Variants in DIP2B observed in about 807,000 individuals in gnomAD.
The protein encoded by DIP2B is DIP2 acetate--CoA ligase B (putative), also known as disco-interacting protein 2 homolog B.
A neutral mutation model predicts 198.0 loss-of-function variants in DIP2B; 76 were observed. The observed-to-expected ratio is 0.38, with a 90% CI of 0.32 to 0.46. The LOEUF (loss-of-function observed/expected upper bound fraction) is 0.46, where lower values mean the gene tolerates loss of function less well. DIP2B is among the 20% of genes least tolerant of loss of function. The pLI is 0.99. For synonymous variants in DIP2B, 701 were observed against 739.1 expected, an observed-to-expected ratio of 0.95 and a Z score of 0.84; for missense variants, 1,559 against 1,978.4, an observed-to-expected ratio of 0.79 and a Z score of 4.02.
intron 35 of DIP2B, among the ~76,000 whole-genome samples, 189 bp from the exon 36 acceptor site, chr12:50,739,220 C>T (rs761963032): frequency 2.6e-5 from 4 of 152,174 alleles, no homozygotes; most frequent in Non-Finnish European, 5.9e-5. Flanking sequence ...GTTGTCATGT[C>T]ATATATATCA....
chr12:50,554,899 T>G (rs929881673), intron 1 of DIP2B, among the ~76,000 whole-genome samples: 2 of 151,674 alleles, frequency 1.3e-5, no homozygotes, highest in African/African-American at 4.8e-5. Context: ...TCCCGAGTAG[T>G]TGGAACTAAA....
intron 1 of DIP2B, among the ~76,000 whole-genome samples, chr12:50,562,353 G>A (rs1430612493): frequency 6.6e-6 from 1 of 152,014 alleles, no homozygotes; most frequent in Non-Finnish European, 1.5e-5. Flanking sequence ...TGGAGCAAAT[G>A]CTTAAAAGCA....
intron 3 of DIP2B, among the ~76,000 whole-genome samples, chr12:50,651,762 A>G (rs948566708): frequency 2.0e-5 from 3 of 152,072 alleles, no homozygotes; most frequent in Non-Finnish European, 2.9e-5. Context: ...TAGGGACACA[A>G]TCTCACTGTG....
intron 1 of DIP2B, among the ~76,000 whole-genome samples, chr12:50,614,561 AAAT>A (rs1260101915): frequency 6.6e-6 from 1 of 152,236 alleles, no homozygotes; most frequent in African/African-American, 2.4e-5. Context: ...AGTGCCAGAC[AAAT>A]GGCATTCATC....
At chr12:50,663,152 C>T (rs1324424970) in intron 4 of DIP2B, among the ~76,000 whole-genome samples, 1 of 149,334 alleles carries the variant, frequency 6.7e-6, no homozygotes, top group Non-Finnish European at 1.5e-5. Context: ...TGGTGCCGGG[C>T]GCAGTGGCTC....
rs1338050961 is a variant in DIP2B at position 50,747,917 on chromosome 12, G to A, written c.*3078G>A. 1.3e-5 allele frequency: 2 copies of A among 152,586 alleles called. No homozygotes were observed. The highest frequency in any genetic ancestry group is 4.8e-5 in the African/African-American group (2 of 41,416). 9.5% of individuals were successfully genotyped at this position (152,586 alleles called of 1,614,324 possible). ...AGGACCAGCATGCTAATCAGTGTCA[G>A]TGAATCCACAGTCTTTACTTCCTGC... On this transcript the variant is annotated 3_prime_UTR_variant, in exon 38 of 38. Transcript: ENST00000301180.
chr12:50,698,045 C>A (rs539420735), intron 17 of DIP2B, among the ~76,000 whole-genome samples: 16 of 151,982 alleles, frequency 1.1e-4, no homozygotes, highest in Non-Finnish European at 1.9e-4. Context: ...CAAGCATGTG[C>A]CATCATACCC....
At chr12:50,559,486 AT>A (rs1958499768) in intron 1 of DIP2B, among the ~76,000 whole-genome samples, 1 of 152,052 alleles carries the variant, frequency 6.6e-6, no homozygotes, top group Admixed American at 6.6e-5. Context: ...CATGCCTGTA[AT>A]CCCAGCATTT....
At chr12:50,651,031 C>T (rs185185728) in intron 3 of DIP2B, among the ~76,000 whole-genome samples, 55 of 152,264 alleles carry the variant, frequency 3.6e-4, no homozygotes, top group Non-Finnish European at 5.4e-4. Flanking sequence ...TATGGCCGTT[C>T]TAGTGGCTGT....
At chr12:50,645,765 T>G (rs578184500) in intron 3 of DIP2B, among the ~76,000 whole-genome samples, 3 of 152,114 alleles carry the variant, frequency 2.0e-5, no homozygotes, top group Non-Finnish European at 2.9e-5. Flanking sequence ...CAGCCCAAAA[T>G]ATACTTTTTA....
Position 50,714,400 on chromosome 12 carries a change from C to G in DIP2B, c.2655C>G (p.Ile885Met). 1 of 1,614,140 alleles carries G rather than the reference C, an allele frequency of 6.2e-7. No homozygotes were observed. Among genetic ancestry groups the G allele is most frequent in the Non-Finnish European group, 8.5e-7 (1 of 1,180,020 alleles). ...FQWMSRVLQAIDSIHQVGVYC... is the reference protein window; with the variant it reads ...FQWMSRVLQAMDSIHQVGVYC... ...TTTTGTTTGTATTTTTCTAGGCGAT[C>G]GATAGCATTCATCAAGTGGGGGTTT... is the stretch of plus-strand genomic sequence containing the variant. Residue 885 changes from isoleucine to methionine, a missense_variant, in exon 23 of 38, where the codon ATC becomes ATG. Ile to Met is a conservative substitution (Grantham distance 10, BLOSUM62 1). Coordinates refer to ENST00000301180, the MANE Select transcript of DIP2B (RefSeq NM_173602.3).
chr12:50,696,613 G>A (rs1008660401), intron 16 of DIP2B, among the ~76,000 whole-genome samples: 5 of 152,134 alleles, frequency 3.3e-5, no homozygotes, highest in Non-Finnish European at 5.9e-5. Flanking sequence ...GTCATAAATG[G>A]ACTTTGTTAG....
At chr12:50,691,892 C>T (rs1939228970) in intron 13 of DIP2B, among the ~76,000 whole-genome samples, 1 of 151,998 alleles carries the variant, frequency 6.6e-6, no homozygotes, top group Non-Finnish European at 1.5e-5. Flanking sequence ...GGTGAAACCC[C>T]ATCTCTACTA....
chr12:50,731,357 C>G lies in DIP2B; in HGVS notation c.3642-12C>G, dbSNP rs1357007191. On this transcript the variant is annotated splice_polypyrimidine_tract_variant and intron_variant, in intron 30 of 37. Transcript: ENST00000301180. ...GAATTGATGATTCCAGCTCTTGTCT[C>G]TTTCACTGCAGTGTCTATTCAGGCC... 1 of 1,610,608 alleles carries G rather than the reference C, an allele frequency of 6.2e-7. No homozygotes were observed. Among genetic ancestry groups the G allele is most frequent in the African/African-American group, 1.3e-5 (1 of 74,776 alleles).
At chr12:50,544,072 CA>C (rs557802974) in intron 1 of DIP2B, among the ~76,000 whole-genome samples, 182 of 148,740 alleles carry the variant, frequency 1.2e-3, no homozygotes, top group African/African-American at 4.2e-3. Flanking sequence ...TACTAAAATA[CA>C]AAAAATTAGC....
At chr12:50,724,937 C>T (rs535124476) in intron 28 of DIP2B, 51 bp downstream of exon 28, 1 of 1,520,942 alleles carries the variant, frequency 6.6e-7, no homozygotes, top group African/African-American at 1.4e-5. Context: ...CTCACAATAC[C>T]TGAGATCTCC....
intron 4 of DIP2B, among the ~76,000 whole-genome samples, chr12:50,669,634 A>G (rs1165156904): frequency 6.6e-6 from 1 of 152,210 alleles, no homozygotes; most frequent in African/African-American, 2.4e-5. Flanking sequence ...GATGTTGGCC[A>G]GGCTGGTCTT....
rs761718406 is a variant in DIP2B, at chr12:50,695,367, A to C, written c.1813+7A>C. The stretch of plus-strand genomic sequence containing the variant: ...AGAGTACATGCTCACAAAGGTAGTC[A>C]CCTGCAACATCTGAGCTTTAATTAT... On this transcript the variant is annotated splice_region_variant and intron_variant, in intron 15 of 37. Transcript: ENST00000301180. 7 of 1,605,436 alleles carry C rather than the reference A, an allele frequency of 4.4e-6. No individual in the cohort carries two copies. In the South Asian group the frequency reaches 7.8e-5, roughly 18 times the overall value.
chr12:50,511,892 G>A (rs112723641), intron 1 of DIP2B, among the ~76,000 whole-genome samples: 1 of 137,106 alleles, frequency 7.3e-6, no homozygotes, highest in Non-Finnish European at 1.5e-5. Flanking sequence ...ATGTTGCAGT[G>A]AGCCGAGATC....
Sources: allele counts gnomAD v4.1 joint callset (sites outside exome capture counted in the v4.1 genomes callset), GRCh38; gene constraint gnomAD v4.1.1; transcripts MANE v1.5; gene names NCBI Gene and HGNC (gene_info 2026-07-23, HGNC 2026-07-21).